The following SLC2A10 variants were observed in gnomAD, a reference collection of about 807,000 sequenced individuals.
The protein encoded by SLC2A10 is solute carrier family 2, facilitated glucose transporter member 10.
In SLC2A10, 25 loss-of-function variants were observed where a neutral mutation model predicts 32.1. That is an observed-to-expected ratio of 0.78 (90% CI 0.57 to 1.09). The LOEUF is 1.09. Among genes scored for constraint, SLC2A10 ranks in the 50% least tolerant of loss-of-function variants. The pLI, the probability that SLC2A10 is intolerant of heterozygous loss-of-function variation, is 0.00. For synonymous variants in SLC2A10, 332 were observed against 309.6 expected, an observed-to-expected ratio of 1.07 and a Z score of -0.76; for missense variants, 673 against 686.5, an observed-to-expected ratio of 0.98 and a Z score of 0.22.
At chr20:46,708,565 C>T (rs1054187175), upstream of SLC2A10, among the ~76,000 whole-genome samples, 2 of 152,192 alleles carry the variant, frequency 1.3e-5, no homozygotes, top group Admixed American at 6.5e-5. Flanking sequence ...TAAGTTCTTA[C>T]GGAGCATATA....
intron 4 of SLC2A10, among the ~76,000 whole-genome samples, chr20:46,730,165 A>G (rs953885876): frequency 6.6e-6 from 1 of 152,196 alleles, no homozygotes; most frequent in African/African-American, 2.4e-5. Context: ...CATTGCACGC[A>G]AAACGCTTGT....
chr20:46,720,748 T>C (rs2123027351), intron 1 of SLC2A10, among the ~76,000 whole-genome samples: 1 of 152,052 alleles, frequency 6.6e-6, no homozygotes, highest in Admixed American at 6.5e-5. Flanking sequence ...GCTTTATATA[T>C]TGGTATTTTT....
In SLC2A10 at chr20:46,725,959, C is replaced by T. The variant is rs776373143; in HGVS notation, c.923C>T (p.Ala308Val). The T allele has an allele frequency of 1.5e-5, 25 of 1,613,844 alleles. No homozygotes were observed. The South Asian group carries it at 2.4e-4, about 16-fold the overall frequency. The change falls in exon 2 of 5, where the codon GCC (alanine) becomes GTC (valine). Residue 308 changes from alanine to valine, a missense_variant. Coordinates refer to ENST00000359271, the MANE Select transcript of SLC2A10 (RefSeq NM_030777.4). Reference protein sequence around the residue: ...ALLLAGCALMALSVSGIGLVS... With the variant: ...ALLLAGCALMVLSVSGIGLVS... ...TTGCTAGCTGGCTGTGCCCTCATGG[C>T]CCTGTCCGTCAGTGGCATAGGCCTC...
chr20:46,731,390 C>G (rs1005997856), intron 4 of SLC2A10, among the ~76,000 whole-genome samples: 1 of 152,218 alleles, frequency 6.6e-6, no homozygotes, highest in African/African-American at 2.4e-5. Flanking sequence ...GGTCTTCAAT[C>G]TGGGCAGCCA....
rs1600654451 is a variant in SLC2A10 at position 46,711,765 on chromosome 20, A to G, written c.4+2025A>G. The stretch of plus-strand genomic sequence containing the variant: ...GGGGCAGAACTGGGTTCTAGACCCA[A>G]TTCCTCTCACTTTGTTCCACCATTC... On this transcript the variant is annotated intron_variant, in intron 1 of 4. Coordinates refer to ENST00000359271, the MANE Select transcript of SLC2A10 (RefSeq NM_030777.4). Among the ~76,000 whole-genome samples the G allele has an allele frequency of 2.0e-5, 3 of 152,110 alleles. No homozygotes were observed. In the East Asian group the frequency reaches 5.8e-4, roughly 29 times the overall value.
chr20:46,718,682 A>T (rs1979386350), intron 1 of SLC2A10, among the ~76,000 whole-genome samples: 1 of 151,918 alleles, frequency 6.6e-6, no homozygotes, highest in Non-Finnish European at 1.5e-5. Context: ...ATTATTCAAG[A>T]TTTTTAATCT....
chr20:46,721,437 CA>C (rs763252434), intron 1 of SLC2A10, among the ~76,000 whole-genome samples: 3,150 of 115,898 alleles, frequency 0.027, 90 homozygotes, highest in African/African-American at 0.072. Flanking sequence ...CCTCAATTAG[CA>C]AAAAAAAAAA....
chr20:46,725,294 G>A lies in SLC2A10; in HGVS notation c.258G>A (p.Leu86=), dbSNP rs780056031. The A allele has an allele frequency of 8.7e-6, 14 of 1,614,030 alleles. No individual in the cohort carries two copies. Among genetic ancestry groups the A allele is most frequent in the Non-Finnish European group, 1.1e-5 (13 of 1,180,028 alleles). The change falls in exon 2 of 5, where the codon CTG becomes CTA. Residue 86 remains leucine (L), a synonymous_variant. Transcript: ENST00000359271. ...QAILGSNLVL[L]AGSLTLGLAG... ...TCCTCGGGAGCAACTTGGTGCTGCTGGCAGGCAGCCTGACCCTGGGCCTGG... is the reference window on the plus strand; with the variant it reads ...TCCTCGGGAGCAACTTGGTGCTGCTAGCAGGCAGCCTGACCCTGGGCCTGG...
chr20:46,726,868 C>A lies in SLC2A10; in HGVS notation c.1293C>A (p.Thr431=). ...CCTCCTGCTCTCCCACCCTAGTGAC[C>A]TGGCTTGTCCTCAGCGAGATCTACC... ...SAFSFGFGPV[T]WLVLSEIYPV... The change falls in exon 3 of 5, where the codon ACC becomes ACA. Residue 431 remains threonine, a synonymous_variant. Transcript: ENST00000359271. 6.3e-7 allele frequency: 1 copy of A among 1,597,610 alleles called. No homozygotes were observed. The highest frequency in any genetic ancestry group is 8.5e-7 in the Non-Finnish European group (1 of 1,173,908).
At position 46,729,590 on chromosome 20, in the gene SLC2A10, T is replaced by G. The variant is rs1980167998; in HGVS notation, c.1547+102T>G. 12 of 1,201,092 alleles carry G rather than the reference T, an allele frequency of 1.0e-5. No individual in the cohort carries two copies. The South Asian group carries it at 1.5e-4, about 15-fold the overall frequency. 74.4% of individuals were successfully genotyped at this position (1,201,092 alleles called of 1,614,324 possible). ...TGTGCTTTCCTTTTGCAAGCGGGCA[T>G]TCCTCCTGTCTTCCTTATTGCCTGG... On this transcript the variant is annotated intron_variant, in intron 4 of 4. Transcript: ENST00000359271.
rs193271425 is a variant in SLC2A10, at chr20:46,719,518, C to T, written c.5-5523C>T. On this transcript the variant is annotated intron_variant, in intron 1 of 4. Transcript: ENST00000359271. ...GGCAGGCAAGAAAGAATGAAAGCCA[C>T]GTGAAAGGGATTCCCCTTATAAAAC... 3.9e-5 allele frequency among the ~76,000 whole-genome samples: 6 copies of T among 152,238 alleles called. No individual in the cohort carries two copies. In the South Asian group the frequency reaches 8.3e-4, roughly 21 times the overall value.
At chr20:46,717,206 C>T (rs942307126) in intron 1 of SLC2A10, among the ~76,000 whole-genome samples, 1 of 151,880 alleles carries the variant, frequency 6.6e-6, no homozygotes, top group African/African-American at 2.4e-5. Context: ...ATGTAACACT[C>T]AGATCAGTGC....
rs1160797836 is a variant in SLC2A10, at chr20:46,726,246, G to A, written c.1210G>A (p.Gly404Arg). Reference sequence around the variant, plus strand: ...CCCTGGGCCCCCTCTGCCCGCTCGGGGGCATGCACTGCTGCGCTGGACCGC... The same window carrying A: ...CCCTGGGCCCCCTCTGCCCGCTCGGAGGCATGCACTGCTGCGCTGGACCGC... The part of the protein sequence containing the change: ...ALPGPPLPAR[G>R]HALLRWTALL... Residue 404 changes from glycine to arginine, a missense_variant, in exon 2 of 5, where the codon GGG (glycine) becomes AGG (arginine). Physicochemically the swap from Gly to Arg is moderately radical, Grantham distance 125 (BLOSUM62 -2). Transcript: ENST00000359271. The A allele has an allele frequency of 6.2e-7, 1 of 1,613,584 alleles. No individual in the cohort carries two copies. Among genetic ancestry groups the A allele is most frequent in the South Asian group, 1.1e-5 (1 of 91,092 alleles).
Position 46,734,010 on chromosome 20 carries a change from CTT to C in SLC2A10, c.*177_*178del. 1 of 675,812 alleles carries C rather than the reference CTT, an allele frequency of 1.5e-6. No individual in the cohort carries two copies. Among genetic ancestry groups the C allele is most frequent in the South Asian group, 1.6e-5 (1 of 60,860 alleles). The allele number at this position is 675,812 out of a possible 1,614,324, so 41.9% of individuals were successfully genotyped here. On this transcript the variant is annotated 3_prime_UTR_variant, in exon 5 of 5. Coordinates refer to ENST00000359271, the MANE Select transcript of SLC2A10 (RefSeq NM_030777.4). ...GATGAAAGTCTGAGAATGCCCAACT[CTT>C]CATTTTGAGTCTCAGGCCCTGAAGG...
In SLC2A10 at chr20:46,726,919, C is replaced by T. The variant is rs553831434; in HGVS notation, c.1344C>T (p.Phe448=). 1.4e-5 allele frequency: 22 copies of T among 1,614,176 alleles called. No homozygotes were observed. The African/African-American group carries it at 2.3e-4, about 17-fold the overall frequency. Residue 448 remains phenylalanine (F), a synonymous_variant, in exon 3 of 5, where the codon TTC becomes TTT. Transcript: ENST00000359271. ...CTGTGGAGATACGAGGAAGAGCCTT[C>T]GCCTTCTGCAACAGCTTCAACTGGG... ...IYPVEIRGRA[F]AFCNSFNWAA... is the part of the protein sequence containing the mutation.
rs776448517 is a variant in SLC2A10, at chr20:46,725,702, C to T, written c.666C>T (p.Phe222=). ...CACGGTACTCCTTTCTGGACCTCTT[C>T]AGGGCACGCGATAACATGCGAGGCC... ...GRPRYSFLDL[F]RARDNMRGRT... Residue 222 remains phenylalanine (F), a synonymous_variant, in exon 2 of 5, where the codon TTC becomes TTT. Coordinates refer to ENST00000359271, the MANE Select transcript of SLC2A10 (RefSeq NM_030777.4). 5.6e-6 allele frequency: 9 copies of T among 1,614,014 alleles called. No homozygotes were observed. Among genetic ancestry groups the T allele is most frequent in the Non-Finnish European group, 6.8e-6 (8 of 1,180,046 alleles).
At chr20:46,729,256 T>G in intron 3 of SLC2A10, 97 bp from the exon 4 acceptor site, 2 of 1,507,496 alleles carry the variant, frequency 1.3e-6, no homozygotes, top group South Asian at 2.3e-5. Flanking sequence ...TTGAGTGAAC[T>G]GACTTTCCAT....
chr20:46,714,003 ACTGT>A (rs748274672), intron 1 of SLC2A10, among the ~76,000 whole-genome samples: 122 of 152,110 alleles, frequency 8.0e-4, no homozygotes, highest in Non-Finnish European at 1.5e-3. Flanking sequence ...AGCAAACATC[ACTGT>A]CTGCTGATAG....
chr20:46,709,492 G>T, upstream of SLC2A10: 1 of 454,596 alleles, frequency 2.2e-6, no homozygotes, highest in South Asian at 4.2e-5. Context: ...GCGAGGGAGG[G>T]GGTCCTTGCC....
Sources: gnomAD v4.1 joint callset for allele counts (sites outside exome capture counted in the v4.1 genomes callset) on GRCh38, gnomAD v4.1.1 for gene constraint, MANE v1.5 for transcripts, NCBI Gene and HGNC (gene_info 2026-07-23, HGNC 2026-07-21) for gene names.